Variants in BLTP3B observed in about 807,000 individuals in gnomAD.
The protein encoded by BLTP3B is UHRF1 (ICBP90) binding protein 1-like.
At chr12:100,136,511 GC>G in the BLTP3B span, among the ~76,000 whole-genome samples, 3 of 151,894 alleles carry the variant, frequency 2.0e-5, no homozygotes, top group Non-Finnish European at 4.4e-5. Context: ...CCACTATGTG[GC>G]ATATATATAT....
the BLTP3B span, among the ~76,000 whole-genome samples, chr12:100,067,582 C>A: frequency 3.9e-5 from 6 of 151,920 alleles, no homozygotes; most frequent in East Asian, 1.2e-3. Context: ...TACTAGAAAA[C>A]CTACAAGAGA....
At chr12:100,115,526 C>T in the BLTP3B span, among the ~76,000 whole-genome samples, 14 of 152,036 alleles carry the variant, frequency 9.2e-5, no homozygotes, top group Non-Finnish European at 2.1e-4. Flanking sequence ...CCCAGCAATT[C>T]GGGAGGCCAA....
chr12:100,125,492 A>C, the BLTP3B span, among the ~76,000 whole-genome samples: 13 of 152,042 alleles, frequency 8.6e-5, no homozygotes, highest in Non-Finnish European at 1.8e-4. Flanking sequence ...CTCTAGAAAA[A>C]ATAAAACATT....
the BLTP3B span, among the ~76,000 whole-genome samples, chr12:100,083,335 A>G: frequency 2.2e-4 from 34 of 152,320 alleles, no homozygotes; most frequent in Non-Finnish European, 4.3e-4. Context: ...AGAATCACAC[A>G]TGTCACATTT....
the BLTP3B span, among the ~76,000 whole-genome samples, chr12:100,084,204 A>G: frequency 3.3e-5 from 5 of 151,736 alleles, no homozygotes; most frequent in African/African-American, 1.2e-4. Flanking sequence ...AAAAAAAAAA[A>G]TACTTGGCTG....
chr12:100,085,385 A>G, the BLTP3B span, among the ~76,000 whole-genome samples: 2 of 152,080 alleles, frequency 1.3e-5, no homozygotes, highest in African/African-American at 2.4e-5. Flanking sequence ...AATGTTTCAC[A>G]CCTCTTCAAA....
chr12:100,048,735 G>GGAGAGAGAGAGAGA, the BLTP3B span, among the ~76,000 whole-genome samples: 6 of 119,554 alleles, frequency 5.0e-5, no homozygotes, highest in African/African-American at 2.1e-4. Flanking sequence ...GTAAGGGGGG[G>GGAGAGAGAGAGAGA]GAGAGAGAGA....
chr12:100,099,489 G>T, the BLTP3B span, among the ~76,000 whole-genome samples: 1 of 150,630 alleles, frequency 6.6e-6, no homozygotes, highest in Non-Finnish European at 1.5e-5. Context: ...GGCCACACAT[G>T]GTAGCTCATG....
chr12:100,130,473 T>C, the BLTP3B span, among the ~76,000 whole-genome samples: 1 of 152,348 alleles, frequency 6.6e-6, no homozygotes, highest in East Asian at 1.9e-4. Flanking sequence ...CCTTAAGTAC[T>C]GGTAGGAATG....
the BLTP3B span, chr12:100,097,480 C>A: frequency 6.2e-7 from 1 of 1,610,838 alleles, no homozygotes; most frequent in South Asian, 1.1e-5. Flanking sequence ...TATCATCTGC[C>A]AATTTATTTC....
chr12:100,070,810 A>C, the BLTP3B span, among the ~76,000 whole-genome samples: 48 of 152,036 alleles, frequency 3.2e-4, no homozygotes, highest in African/African-American at 1.2e-3. Flanking sequence ...CTTGGCCAAC[A>C]AGGAGAAAAG....
the BLTP3B span, among the ~76,000 whole-genome samples, chr12:100,102,051 C>A: frequency 6.6e-6 from 1 of 151,928 alleles, no homozygotes; most frequent in South Asian, 2.1e-4. Flanking sequence ...CCGCCCACCT[C>A]AGCCTCCCAA....
chr12:100,109,476 T>C, the BLTP3B span, among the ~76,000 whole-genome samples: 2 of 152,042 alleles, frequency 1.3e-5, no homozygotes, highest in African/African-American at 4.8e-5. Context: ...AAAGAAATGA[T>C]AAAGGCAGCC....
chr12:100,068,249 A>AGGACAC, the BLTP3B span, among the ~76,000 whole-genome samples: 1 of 152,226 alleles, frequency 6.6e-6, no homozygotes, highest in African/African-American at 2.4e-5. Context: ...AAGTGGGGAA[A>AGGACAC]GGACACACTT....
chr12:100,114,215 A>AT, the BLTP3B span, among the ~76,000 whole-genome samples: 6 of 152,264 alleles, frequency 3.9e-5, no homozygotes, highest in South Asian at 4.1e-4. Flanking sequence ...CACATCTAAG[A>AT]TTTTTTTAAC....
chr12:100,081,401 T>C, the BLTP3B span, among the ~76,000 whole-genome samples: 5 of 152,112 alleles, frequency 3.3e-5, no homozygotes, highest in Non-Finnish European at 7.4e-5. Flanking sequence ...GTGTCTGAAG[T>C]CTTTATTTTT....
the BLTP3B span, among the ~76,000 whole-genome samples, chr12:100,081,325 CTG>C: frequency 1.3e-5 from 2 of 152,150 alleles, no homozygotes; most frequent in African/African-American, 4.8e-5. Context: ...TTCAGTGGTT[CTG>C]TGAGTCTTTC....
chr12:100,084,524 A>G, the BLTP3B span: 1 of 1,613,946 alleles, frequency 6.2e-7, no homozygotes, highest in Non-Finnish European at 8.5e-7. Context: ...TTAGGAGGTG[A>G]ACCTACATTA....
the BLTP3B span, among the ~76,000 whole-genome samples, chr12:100,103,055 G>C: frequency 1.3e-5 from 2 of 151,968 alleles, no homozygotes; most frequent in Middle Eastern, 3.4e-3. Context: ...AGTTCTCAAG[G>C]CATTTATTAT....
Sources: allele counts gnomAD v4.1 joint callset (sites outside exome capture counted in the v4.1 genomes callset), GRCh38; gene constraint gnomAD v4.1.1; transcripts MANE v1.5; gene names NCBI Gene and HGNC (gene_info 2026-07-23, HGNC 2026-07-21).